Variants in GPM6A observed in about 807,000 individuals in gnomAD.
GPM6A encodes the protein neuronal membrane glycoprotein M6-a.
A neutral mutation model predicts 32.1 loss-of-function variants in GPM6A; 7 were observed. The observed-to-expected ratio is 0.22, with a 90% CI of 0.12 to 0.41. The LOEUF (loss-of-function observed/expected upper bound fraction) is 0.41. GPM6A is among the 10% of genes least tolerant of loss of function. GPM6A has a pLI of 1.00. For synonymous variants in GPM6A, 130 were observed against 123.4 expected (o/e 1.05, Z -0.35); for missense variants, 235 against 347.2 (o/e 0.68, Z 2.57).
At chr4:175,742,346 C>A (rs10520305) in intron 1 of GPM6A, among the ~76,000 whole-genome samples, 8,280 of 152,080 alleles carry the variant, frequency 0.054, 394 homozygotes, top group East Asian at 0.27. Context: ...AATGGCTCGC[C>A]TGCTTAAAAT....
At chr4:175,653,295 C>CT (rs1043487737) in intron 3 of GPM6A, among the ~76,000 whole-genome samples, 13 of 152,092 alleles carry the variant, frequency 8.5e-5, no homozygotes, top group African/African-American at 3.1e-4. Context: ...GAGATCAAAC[C>CT]TTTTTATTAA....
chr4:175,963,750 T>C (rs1056900175), intron 1 of GPM6A, among the ~76,000 whole-genome samples: 1 of 152,174 alleles, frequency 6.6e-6, no homozygotes, highest in Non-Finnish European at 1.5e-5. Flanking sequence ...TTACTTTTAA[T>C]TGACATAGCA....
chr4:175,719,151 T>A (rs1745987815), intron 1 of GPM6A, among the ~76,000 whole-genome samples: 1 of 152,120 alleles, frequency 6.6e-6, no homozygotes, highest in Admixed American at 6.5e-5. Context: ...CACATATTTT[T>A]AAAATTCTAT....
chr4:175,944,895 T>C (rs1739539440), intron 1 of GPM6A, among the ~76,000 whole-genome samples: 1 of 151,806 alleles, frequency 6.6e-6, no homozygotes, highest in Non-Finnish European at 1.5e-5. Flanking sequence ...TACAGACGTC[T>C]CAGTTTCAGA....
At chr4:175,762,751 G>C (rs1732799407) in intron 1 of GPM6A, among the ~76,000 whole-genome samples, 1 of 152,196 alleles carries the variant, frequency 6.6e-6, no homozygotes, top group Non-Finnish European at 1.5e-5. Flanking sequence ...TCAAGGGCCA[G>C]TGCAGATGAT....
At chr4:175,753,142 C>T (rs1732402533) in intron 1 of GPM6A, among the ~76,000 whole-genome samples, 1 of 152,114 alleles carries the variant, frequency 6.6e-6, no homozygotes, top group Non-Finnish European at 1.5e-5. Flanking sequence ...CGATTTTCAA[C>T]ATCATTAATA....
At chr4:175,742,890 T>C (rs1482126656) in intron 1 of GPM6A, among the ~76,000 whole-genome samples, 4 of 152,034 alleles carry the variant, frequency 2.6e-5, no homozygotes, top group Non-Finnish European at 4.4e-5. Flanking sequence ...CTCATGCCTG[T>C]AATCCCAGCA....
intron 5 of GPM6A, among the ~76,000 whole-genome samples, 173 bp from the exon 6 acceptor site, chr4:175,640,367 C>A (rs75330848): frequency 6.6e-6 from 1 of 152,272 alleles, no homozygotes; most frequent in South Asian, 2.1e-4. Context: ...CCCTGCAAAT[C>A]ATTTAAATCC....
intron 1 of GPM6A, among the ~76,000 whole-genome samples, chr4:175,797,218 T>G (rs1734268936): frequency 6.6e-6 from 1 of 152,192 alleles, no homozygotes; most frequent in South Asian, 2.1e-4. Context: ...TACTTTTTAC[T>G]TTCATTTTAT....
At chr4:175,971,007 G>A (rs1372013600) in intron 1 of GPM6A, 3 of 409,386 alleles carry the variant, frequency 7.3e-6, no homozygotes, top group Non-Finnish European at 1.4e-5. Context: ...AGTGAAAGTT[G>A]CAAATACAAT....
chr4:175,762,961 G>C (rs577978711), intron 1 of GPM6A, among the ~76,000 whole-genome samples: 7 of 152,046 alleles, frequency 4.6e-5, no homozygotes, highest in Non-Finnish European at 7.4e-5. Flanking sequence ...GTTTTTCTCT[G>C]GAGTAATAAA....
chr4:175,802,958 TA>T (rs1452286133), intron 1 of GPM6A, among the ~76,000 whole-genome samples: 4 of 152,152 alleles, frequency 2.6e-5, no homozygotes, highest in African/African-American at 4.8e-5. Context: ...GAATTATTTT[TA>T]ATTCAAATCT....
intron 1 of GPM6A, among the ~76,000 whole-genome samples, chr4:175,938,304 T>C (rs1739301556): frequency 1.3e-5 from 2 of 152,138 alleles, no homozygotes; most frequent in African/African-American, 4.8e-5. Flanking sequence ...GTATTTCTGG[T>C]TCTAGATCCT....
intron 1 of GPM6A, among the ~76,000 whole-genome samples, chr4:175,917,084 G>A (rs1246667285): frequency 6.6e-6 from 1 of 152,066 alleles, no homozygotes; most frequent in African/African-American, 2.4e-5. Flanking sequence ...ATTAAGTCCT[G>A]GCAAATATCA....
At chr4:175,811,166 T>G (rs895638905) in intron 1 of GPM6A, among the ~76,000 whole-genome samples, 6 of 152,088 alleles carry the variant, frequency 3.9e-5, no homozygotes, top group African/African-American at 1.4e-4. Flanking sequence ...ATACTGTGCT[T>G]CCACCCTATA....
intron 1 of GPM6A, among the ~76,000 whole-genome samples, chr4:175,901,628 C>CTTTTTTTTTTTTTTTCT (rs59461626): frequency 7.9e-6 from 1 of 127,032 alleles, no homozygotes; most frequent in Non-Finnish European, 1.6e-5. Context: ...TTTTCTTTTT[C>CTTTTTTTTTTTTTTTCT]TTTTTTTTTT....
At chr4:175,730,520 G>T (rs1731374701) in intron 1 of GPM6A, among the ~76,000 whole-genome samples, 1 of 151,458 alleles carries the variant, frequency 6.6e-6, no homozygotes, top group African/African-American at 2.4e-5. Flanking sequence ...GCCCAGGCTG[G>T]AGTGCAGTGG....
intron 1 of GPM6A, among the ~76,000 whole-genome samples, chr4:175,998,919 T>C (rs1741394022): frequency 1.3e-5 from 2 of 152,228 alleles, no homozygotes; most frequent in Non-Finnish European, 2.9e-5. Context: ...TCATTGCTTT[T>C]AAAAGCTCTC....
At chr4:175,787,302 A>C in intron 1 of GPM6A, 2 of 1,257,396 alleles carry the variant, frequency 1.6e-6, no homozygotes, top group Non-Finnish European at 1.1e-6. Flanking sequence ...AGTTTCACTG[A>C]TAATACTCCC....
Sources: allele counts gnomAD v4.1 joint callset (sites outside exome capture counted in the v4.1 genomes callset), GRCh38; gene constraint gnomAD v4.1.1; transcripts MANE v1.5; gene names NCBI Gene and HGNC (gene_info 2026-07-23, HGNC 2026-07-21).